The following SEMA5A variants were observed in gnomAD, a reference collection of about 807,000 sequenced individuals.
The protein encoded by SEMA5A is semaphorin-5A.
A neutral mutation model predicts 135.5 loss-of-function variants in SEMA5A; 55 were observed. The ratio of observed to expected loss-of-function variants is 0.41; its 90% CI spans 0.33 to 0.51. The LOEUF (loss-of-function observed/expected upper bound fraction) is 0.51, where lower values mean the gene tolerates loss of function less well. SEMA5A is among the 20% of genes least tolerant of loss of function. The pLI is 0.37. For missense variants in SEMA5A, 1,290 were observed against 1,419.9 expected (o/e 0.91, Z 1.47); for synonymous variants, 580 against 546.5 (o/e 1.06, Z -0.85).
intron 1 of SEMA5A, among the ~76,000 whole-genome samples, chr5:9,447,511 TA>T (rs1344077231): frequency 6.6e-6 from 1 of 152,182 alleles, no homozygotes; most frequent in African/African-American, 2.4e-5. Context: ...CACCAAGGCC[TA>T]AAGAAGAAAA....
intron 16 of SEMA5A, among the ~76,000 whole-genome samples, chr5:9,083,574 TCATTCATCCATTCATC>T (rs56063620): frequency 9.4e-5 from 14 of 148,364 alleles, no homozygotes; most frequent in South Asian, 4.3e-4. Context: ...GGTTTTCCAT[TCATTCATCCATTCATC>T]CATCCATCCA....
At position 9,492,436 on chromosome 5, in the gene SEMA5A, A is replaced by C. The variant is rs183045448; in HGVS notation, c.-175+53148T>G. ...TCATTTCACAATTAGACCCTTAAGC[A>C]ATCCAAAAATAGACCCCATTAGTTA... On this transcript the variant is annotated intron_variant, in intron 1 of 22. Coordinates refer to ENST00000382496, the MANE Select transcript of SEMA5A (RefSeq NM_003966.3). Among the ~76,000 whole-genome samples the C allele has an allele frequency of 9.1e-4, 138 of 152,276 alleles. 1 individual carries two copies. Among genetic ancestry groups the C allele is most frequent in the African/African-American group, 3.1e-3 (127 of 41,556 alleles).
At chr5:9,408,399 A>G (rs930992368) in intron 2 of SEMA5A, among the ~76,000 whole-genome samples, 1 of 152,212 alleles carries the variant, frequency 6.6e-6, no homozygotes, top group African/African-American at 2.4e-5. Context: ...TGAAGTCATT[A>G]TCTTGATCTG....
At chr5:9,069,280 A>G (rs1360684383) in intron 16 of SEMA5A, among the ~76,000 whole-genome samples, 1 of 152,216 alleles carries the variant, frequency 6.6e-6, no homozygotes, top group Non-Finnish European at 1.5e-5. Flanking sequence ...AGGCCTTTCT[A>G]AGAATCACAG....
intron 1 of SEMA5A, among the ~76,000 whole-genome samples, chr5:9,438,578 A>G (rs1298645087): frequency 1.3e-5 from 2 of 152,230 alleles, no homozygotes; most frequent in African/African-American, 4.8e-5. Flanking sequence ...TCTATGATCC[A>G]TATGAGAAAT....
chr5:9,182,581 T>C (rs1408115264), intron 11 of SEMA5A, among the ~76,000 whole-genome samples: 1 of 152,064 alleles, frequency 6.6e-6, no homozygotes, highest in Non-Finnish European at 1.5e-5. Context: ...CAATGTTTGC[T>C]TCATTGAGGG....
intron 2 of SEMA5A, among the ~76,000 whole-genome samples, chr5:9,393,928 A>G (rs1756275862): frequency 6.6e-6 from 1 of 152,356 alleles, no homozygotes; most frequent in South Asian, 2.1e-4. Context: ...CTTATATCAC[A>G]GTGAAAATGG....
chr5:9,066,309 TA>T, intron 17 of SEMA5A, 111 bp downstream of exon 17: 1 of 967,708 alleles, frequency 1.0e-6, no homozygotes, highest in Non-Finnish European at 1.6e-6. Flanking sequence ...TCAAGGCTGC[TA>T]AGCCATAAAT....
intron 15 of SEMA5A, among the ~76,000 whole-genome samples, chr5:9,118,294 C>T (rs977418168): frequency 3.9e-5 from 6 of 152,104 alleles, no homozygotes; most frequent in Non-Finnish European, 8.8e-5. Flanking sequence ...TTAGAATAAA[C>T]ATTAATAGTA....
intron 2 of SEMA5A, among the ~76,000 whole-genome samples, chr5:9,415,235 A>G (rs1323115527): frequency 6.6e-6 from 1 of 152,204 alleles, no homozygotes; most frequent in African/African-American, 2.4e-5. Flanking sequence ...TTCATTCCAG[A>G]AAGGAAAAAG....
intron 3 of SEMA5A, among the ~76,000 whole-genome samples, chr5:9,371,770 G>A (rs970596659): frequency 1.3e-5 from 2 of 152,118 alleles, no homozygotes; most frequent in Non-Finnish European, 1.5e-5. Context: ...ATAACAGCAC[G>A]TTTCCTCCCC....
At chr5:9,301,378 T>A (rs1365106395) in intron 5 of SEMA5A, among the ~76,000 whole-genome samples, 1 of 151,932 alleles carries the variant, frequency 6.6e-6, no homozygotes, top group Non-Finnish European at 1.5e-5. Flanking sequence ...CAGACAGGAG[T>A]AAAATCGTAT....
At chr5:9,198,302 C>A (rs1016728694) in intron 9 of SEMA5A, among the ~76,000 whole-genome samples, 2 of 152,130 alleles carry the variant, frequency 1.3e-5, no homozygotes, top group African/African-American at 4.8e-5. Flanking sequence ...AATTCCCATT[C>A]ATTTAATCCT....
chr5:9,096,051 T>C (rs1178722218), intron 16 of SEMA5A, among the ~76,000 whole-genome samples: 3 of 152,198 alleles, frequency 2.0e-5, no homozygotes, highest in African/African-American at 2.4e-5. Flanking sequence ...TAGGGTCCTA[T>C]GGTAATTCTA....
intron 3 of SEMA5A, among the ~76,000 whole-genome samples, chr5:9,339,694 A>G (rs897608312): frequency 1.4e-4 from 21 of 152,230 alleles, no homozygotes; most frequent in Non-Finnish European, 7.3e-5. Context: ...TTTAAATACA[A>G]ACTGTAGAAA....
intron 11 of SEMA5A, among the ~76,000 whole-genome samples, chr5:9,189,566 A>C (rs1389073476): frequency 6.6e-6 from 1 of 152,118 alleles, no homozygotes; most frequent in African/African-American, 2.4e-5. Flanking sequence ...GGAGGGGCAG[A>C]CTCCACCATG....
At chr5:9,131,741 G>A (rs1225371086) in intron 13 of SEMA5A, among the ~76,000 whole-genome samples, 1 of 147,554 alleles carries the variant, frequency 6.8e-6, no homozygotes, top group East Asian at 2.1e-4. Flanking sequence ...TCGCCCCCAT[G>A]ACCTAAACAC....
rs113146854 is a variant in SEMA5A, at chr5:9,202,744, C to T, written c.647-504G>A. On this transcript the variant is annotated intron_variant, in intron 8 of 22. Coordinates refer to ENST00000382496, the MANE Select transcript of SEMA5A (RefSeq NM_003966.3). ...ATAATGTATGTGCTTTTACTAAGGA[C>T]GTTAAAAATGTTTTCATTGTTGGGA... Among the ~76,000 whole-genome samples the T allele has an allele frequency of 4.7e-4, 71 of 152,000 alleles. 1 individual carries two copies. Among genetic ancestry groups the T allele is most frequent in the Middle Eastern group, 6.8e-3 (2 of 294 alleles).
chr5:9,362,647 T>C (rs1461670605), intron 3 of SEMA5A, among the ~76,000 whole-genome samples: 1 of 152,202 alleles, frequency 6.6e-6, no homozygotes, highest in Non-Finnish European at 1.5e-5. Context: ...CCATTAATTA[T>C]ATCCCAAAAA....
Sources: allele counts gnomAD v4.1 joint callset (sites outside exome capture counted in the v4.1 genomes callset), GRCh38; gene constraint gnomAD v4.1.1; transcripts MANE v1.5; gene names NCBI Gene and HGNC (gene_info 2026-07-23, HGNC 2026-07-21).